NDUFS1: variants seen among roughly 807,000 people sequenced by gnomAD.
NDUFS1 encodes NADH-ubiquinone oxidoreductase 75 kDa subunit, mitochondrial.
NDUFS1 carries 61 observed loss-of-function variants against 84.4 expected under a neutral mutation model. That is an observed-to-expected ratio of 0.72 (90% confidence interval 0.59 to 0.89). The LOEUF (loss-of-function observed/expected upper bound fraction) is 0.89. Ranked by LOEUF, NDUFS1 falls within the 40% of genes least tolerant of loss-of-function variation. The probability of loss-of-function intolerance (pLI) is 0.00; values close to 1 mark genes in which losing one functional copy is unlikely to be tolerated. For synonymous variants in NDUFS1, 275 were observed against 290.0 expected (o/e 0.95, Z 0.53); for missense variants, 891 against 890.0 (o/e 1.00, Z -0.01).
At chr2:206,147,245 T>C (rs1329628075) in intron 7 of NDUFS1, among the ~76,000 whole-genome samples, 157 bp from the exon 8 acceptor site, 1 of 152,246 alleles carries the variant, frequency 6.6e-6, no homozygotes, top group Non-Finnish European at 1.5e-5. Flanking sequence ...ATGAAATGTT[T>C]GCATTTAATT....
rs1158880608 is a variant in NDUFS1 at position 206,144,944 on chromosome 2, A to G, written c.820T>C (p.Leu274=). 11 of 1,614,098 alleles carry G rather than the reference A, an allele frequency of 6.8e-6. No homozygotes were observed. The South Asian group carries it at 8.8e-5, about 13-fold the overall frequency. The change falls in exon 9 of 19, where the codon TTG becomes CTG. Residue 274 remains leucine (L), a synonymous_variant. Transcript: ENST00000233190. ...STRTGEVMRI[L]PRMHEDINEE... ...TTGATGTCCTCATGCATACGTGGCA[A>G]AATCCTCATCACTTCTCCAGTTCTT...
Position 206,127,820 on chromosome 2 carries a change from T to C in NDUFS1, c.1861A>G (p.Lys621Glu). ...TPPGLAREDW[K>E]IIRALSEIAG... ...ACCTCAGAGAGTGCTCTTATAATTT[T>C]CCAGTCTTCTCTTGCCAAGCCAGGA... Residue 621 changes from lysine (K) to glutamate (E), a missense_variant, in exon 16 of 19, where the codon AAA becomes GAA. Transcript: ENST00000233190. The C allele has an allele frequency of 6.2e-7, 1 of 1,614,128 alleles. No individual in the cohort carries two copies. The highest frequency in any genetic ancestry group is 8.5e-7 in the Non-Finnish European group (1 of 1,179,990).
At position 206,141,947 on chromosome 2, in the gene NDUFS1, C is replaced by T. The variant is rs776114731; in HGVS notation, c.1256G>A (p.Arg419Gln). 9 of 1,610,986 alleles carry T rather than the reference C, an allele frequency of 5.6e-6. No individual in the cohort carries two copies. The Admixed American group carries it at 6.7e-5, about 12-fold the overall frequency. ...AATAAATACTATTACCAACCTCTTT[C>T]GAATTCTAGCATTAAACAGTGGTGC... ...FEAPLFNARI[R>Q]KSWLHNDLKV... The change falls in exon 12 of 19, where the codon CGA (arginine) becomes CAA (glutamine). Residue 419 changes from arginine (R) to glutamine (Q), a missense_variant. Physicochemically the swap from Arg to Gln is conservative, Grantham distance 43. Transcript: ENST00000233190.
At chr2:206,133,617 A>C (rs897870344) in intron 13 of NDUFS1, among the ~76,000 whole-genome samples, 2 of 152,232 alleles carry the variant, frequency 1.3e-5, no homozygotes, top group Non-Finnish European at 2.9e-5. Flanking sequence ...CTAAATGACA[A>C]AAACTAGGAG....
intron 3 of NDUFS1, among the ~76,000 whole-genome samples, chr2:206,151,029 CTT>C (rs1008798845): frequency 3.9e-5 from 6 of 152,276 alleles, no homozygotes; most frequent in African/African-American, 7.2e-5. Flanking sequence ...AATCTACTCT[CTT>C]GTTTTCATTC....
intron 2 of NDUFS1, among the ~76,000 whole-genome samples, chr2:206,153,219 G>A (rs1692444182): frequency 6.8e-6 from 1 of 146,976 alleles, no homozygotes; most frequent in South Asian, 2.1e-4. Context: ...TTTCCAAGAT[G>A]GAGTCTCGAT....
intron 12 of NDUFS1, among the ~76,000 whole-genome samples, chr2:206,139,013 G>C (rs1478488035): frequency 6.6e-6 from 1 of 151,876 alleles, no homozygotes; most frequent in Non-Finnish European, 1.5e-5. Context: ...CTACTTGGGA[G>C]GCTGAGGCAG....
intron 14 of NDUFS1, 139 bp from the exon 15 acceptor site, chr2:206,130,381 G>T: frequency 1.8e-6 from 2 of 1,109,280 alleles, no homozygotes; most frequent in Non-Finnish European, 2.6e-6. Flanking sequence ...CGGCGATAGA[G>T]TCTCACTTTG....
At position 206,142,023 on chromosome 2, in the gene NDUFS1, C is replaced by A. The variant is rs2105967002; in HGVS notation, c.1180G>T (p.Val394Leu). ...NYLLNTTIAG[V>L]EEADVVLLVG... ...AGAAGAACAACATCTGCCTCTTCCA[C>A]ACCAGCAATTGTAGTATTAAGAAGA... is the stretch of plus-strand genomic sequence containing the variant. The change falls in exon 12 of 19, where the codon GTG becomes TTG. Residue 394 changes from valine to leucine, a missense_variant. Transcript: ENST00000233190. 2 of 1,606,976 alleles carry A rather than the reference C, an allele frequency of 1.2e-6. No homozygotes were observed. The highest frequency in any genetic ancestry group is 1.7e-6 in the Non-Finnish European group (2 of 1,173,540).
chr2:206,131,020 C>G (rs778988509), intron 14 of NDUFS1, among the ~76,000 whole-genome samples: 3 of 152,090 alleles, frequency 2.0e-5, no homozygotes, highest in Non-Finnish European at 4.4e-5. Flanking sequence ...ATATATTACT[C>G]TTATAAGCAC....
chr2:206,159,369 T>G lies in NDUFS1; in HGVS notation c.-33A>C. ...CTCCCCGGAGCCGCGGAGGCTGTTC[T>G]GCTAAACTGTCTGGACCACGACGAC... On this transcript the variant is annotated 5_prime_UTR_variant, in exon 1 of 19. Transcript: ENST00000233190. 1 of 590,098 alleles carries G rather than the reference T, an allele frequency of 1.7e-6. No individual in the cohort carries two copies. Among genetic ancestry groups the G allele is most frequent in the East Asian group, 2.8e-5 (1 of 35,736 alleles). 36.6% of individuals were successfully genotyped at this position (590,098 alleles called of 1,614,324 possible).
chr2:206,147,934 T>C, intron 5 of NDUFS1, 100 bp from the exon 6 acceptor site: 1 of 1,113,372 alleles, frequency 9.0e-7, no homozygotes, highest in Non-Finnish European at 1.4e-6. Context: ...TTTTTTTTTT[T>C]TGAGATGGTG....
At chr2:206,154,914 G>A (rs1450534691) in intron 1 of NDUFS1, among the ~76,000 whole-genome samples, 1 of 142,220 alleles carries the variant, frequency 7.0e-6, no homozygotes, top group Admixed American at 7.3e-5. Flanking sequence ...GAGCCACCGT[G>A]CCCGGCCCTT....
chr2:206,142,659 C>A (rs1692007244), intron 11 of NDUFS1, 27 bp downstream of exon 11: 1 of 1,613,864 alleles, frequency 6.2e-7, no homozygotes, highest in Middle Eastern at 1.7e-4. Context: ...GAAAGGAAAG[C>A]CTAGATCCTA....
Position 206,130,200 on chromosome 2 carries a change from A to T in NDUFS1, c.1596T>A (p.Pro532=). The T allele has an allele frequency of 1.2e-6, 2 of 1,614,204 alleles. No individual in the cohort carries two copies. Among genetic ancestry groups the T allele is most frequent in the Non-Finnish European group, 1.7e-6 (2 of 1,180,034 alleles). The stretch of plus-strand genomic sequence containing the variant: ...GGTTCTTCCGAATTGCTTCCACCCC[A>T]GGCTTATAGCCAAGGTCCAAAGCAG... ...QVAALDLGYK[P]GVEAIRKNPP... Residue 532 remains proline, a synonymous_variant, in exon 15 of 19, where the codon CCT becomes CCA. Coordinates refer to ENST00000233190, the MANE Select transcript of NDUFS1 (RefSeq NM_005006.7).
intron 16 of NDUFS1, 113 bp from the exon 17 acceptor site, chr2:206,126,957 G>A: frequency 7.7e-7 from 1 of 1,297,870 alleles, no homozygotes; most frequent in Admixed American, 1.8e-5. Flanking sequence ...AAAACCTATT[G>A]GTGTCCATTA....
rs991792271 is a variant in NDUFS1, at chr2:206,149,220, A to C, written c.262-124T>G. On this transcript the variant is annotated intron_variant, in intron 4 of 18. Transcript: ENST00000233190. ...TTATACATTTGATAACAGGCAAAGA[A>C]TAGGGTATTTTTTAAAACTGAATTT... 16 of 746,164 alleles carry C rather than the reference A, an allele frequency of 2.1e-5. No homozygotes were observed. The Admixed American group carries it at 3.6e-4, about 17-fold the overall frequency. The allele number at this position is 746,164 out of a possible 1,614,324, so 46.2% of individuals were successfully genotyped here.
intron 1 of NDUFS1, among the ~76,000 whole-genome samples, chr2:206,153,941 T>A (rs1040807420): frequency 2.0e-5 from 3 of 151,494 alleles, no homozygotes; most frequent in African/African-American, 7.3e-5. Flanking sequence ...TTTTGCCATT[T>A]AAAAAAAAAT....
Position 206,149,069 on chromosome 2 carries a change from T to C in NDUFS1, c.289A>G (p.Met97Val). 1.2e-6 allele frequency: 2 copies of C among 1,613,386 alleles called. No individual in the cohort carries two copies. Among genetic ancestry groups the C allele is most frequent in the South Asian group, 1.1e-5 (1 of 91,046 alleles). ...KVVAACAMPV[M>V]KGWNILTNSE... ...TTTGTTAGGATATTCCAACCCTTCA[T>C]TACTGGCATGGCACAAGCAGCTACA... is the stretch of plus-strand genomic sequence containing the variant. Residue 97 changes from methionine to valine, a missense_variant, in exon 5 of 19, where the codon ATG (methionine) becomes GTG (valine). Coordinates refer to ENST00000233190, the MANE Select transcript of NDUFS1 (RefSeq NM_005006.7).
Sources: gnomAD v4.1 joint callset for allele counts (sites outside exome capture counted in the v4.1 genomes callset) on GRCh38, gnomAD v4.1.1 for gene constraint, MANE v1.5 for transcripts, NCBI Gene and HGNC (gene_info 2026-07-23, HGNC 2026-07-21) for gene names.